EML5: variants seen among roughly 807,000 people sequenced by gnomAD.
The protein encoded by EML5 is EMAP like 5.
EML5 carries 120 observed loss-of-function variants against 250.0 expected under a neutral mutation model. The observed-to-expected ratio is 0.48, with a 90% confidence interval of 0.41 to 0.56. The LOEUF is 0.56. EML5 is among the 20% of genes least tolerant of loss of function. EML5 has a pLI of 0.00. For synonymous variants in EML5, 771 were observed against 806.5 expected, an observed-to-expected ratio of 0.96 and a Z score of 0.75; for missense variants, 2,006 against 2,437.6, an observed-to-expected ratio of 0.82 and a Z score of 3.73.
chr14:88,681,856 G>A, intron 21 of EML5, 34 bp downstream of exon 21: 4 of 1,561,384 alleles, frequency 2.6e-6, no homozygotes, highest in Non-Finnish European at 3.5e-6. Flanking sequence ...AACTGTGAGA[G>A]CTTAATCTAC....
chr14:88,651,167 T>G (rs911689633), intron 27 of EML5, among the ~76,000 whole-genome samples: 1 of 149,092 alleles, frequency 6.7e-6, no homozygotes, highest in South Asian at 2.1e-4. Context: ...TTTTTTTTTT[T>G]TTTTTTTTTT....
intron 1 of EML5, among the ~76,000 whole-genome samples, chr14:88,779,940 A>C (rs2094480983): frequency 6.6e-6 from 1 of 151,912 alleles, no homozygotes; most frequent in Non-Finnish European, 1.5e-5. Context: ...TGGATCTCTC[A>C]TGTTTCTGAA....
chr14:88,771,891 G>A lies in EML5; in HGVS notation c.198-17220C>T, dbSNP rs138680117. On this transcript the variant is annotated intron_variant, in intron 1 of 43. Coordinates refer to ENST00000554922, the MANE Select transcript of EML5 (RefSeq NM_183387.3). ...GCACCCCACCTCTGAATATTAAAGT[G>A]TATGAGGGCTTTGTCTTGGCTGTTT... Among the ~76,000 whole-genome samples the A allele has an allele frequency of 3.9e-3, 601 of 152,256 alleles. 4 individuals carry two copies. Among genetic ancestry groups the A allele is most frequent in the Non-Finnish European group, 6.8e-3 (465 of 68,022 alleles).
chr14:88,668,246 G>A (rs1249432382), intron 21 of EML5, among the ~76,000 whole-genome samples: 1 of 152,112 alleles, frequency 6.6e-6, no homozygotes, highest in Non-Finnish European at 1.5e-5. Context: ...GACAGTGACC[G>A]ACTGAATCTA....
chr14:88,679,916 G>A (rs934201810), intron 21 of EML5, among the ~76,000 whole-genome samples: 3 of 152,032 alleles, frequency 2.0e-5, no homozygotes, highest in Admixed American at 6.6e-5. Flanking sequence ...GGCCTTTTAG[G>A]CCATTGGAAA....
chr14:88,696,511 C>T (rs75719188), intron 15 of EML5, among the ~76,000 whole-genome samples: 132 of 152,234 alleles, frequency 8.7e-4, no homozygotes, highest in African/African-American at 2.9e-3. Flanking sequence ...GGCTATAAAA[C>T]GGTAAGTGAG....
chr14:88,753,826 C>T (rs182799382), intron 2 of EML5, among the ~76,000 whole-genome samples: 7 of 152,044 alleles, frequency 4.6e-5, no homozygotes, highest in Admixed American at 4.6e-4. Flanking sequence ...AATAGACAAC[C>T]TTTAAGGTAA....
intron 11 of EML5, 106 bp downstream of exon 11, chr14:88,706,153 C>T: frequency 1.9e-6 from 2 of 1,079,916 alleles, no homozygotes; most frequent in Non-Finnish European, 1.3e-6. Flanking sequence ...ACAAACTACA[C>T]TGTTAACTTA....
chr14:88,760,616 C>T (rs528878423), intron 1 of EML5, among the ~76,000 whole-genome samples: 26 of 152,194 alleles, frequency 1.7e-4, no homozygotes, highest in African/African-American at 5.5e-4. Flanking sequence ...TACCTTTGTT[C>T]TTTTTCCAAA....
chr14:88,619,919 C>T (rs1184669116), intron 39 of EML5: 1 of 152,302 alleles, frequency 6.6e-6, no homozygotes. Context: ...CCTGCCTCGG[C>T]CTCCCAAAGT....
At chr14:88,764,777 TTTC>T (rs575387399) in intron 1 of EML5, among the ~76,000 whole-genome samples, 82 of 152,330 alleles carry the variant, frequency 5.4e-4, no homozygotes, top group South Asian at 4.1e-4. Flanking sequence ...GTATTTTCAC[TTTC>T]TTCTTCTTTT....
Position 88,695,966 on chromosome 14 carries a change from T to G in EML5, c.2345-512A>C, listed in dbSNP as rs2093068920. ...ATAATGAATATATTAGACAAATCAC[T>G]GCGACAAATGATCAGTGAATATCCT... On this transcript the variant is annotated intron_variant, in intron 15 of 43. Transcript: ENST00000554922. 2.6e-5 allele frequency among the ~76,000 whole-genome samples: 4 copies of G among 152,150 alleles called. No individual in the cohort carries two copies. The South Asian group carries it at 8.3e-4, about 32-fold the overall frequency.
chr14:88,672,799 A>G (rs2092501019), intron 21 of EML5, among the ~76,000 whole-genome samples: 1 of 152,198 alleles, frequency 6.6e-6, no homozygotes, highest in African/African-American at 2.4e-5. Context: ...AGAAATGGAT[A>G]AATTCCTGGA....
intron 3 of EML5, 131 bp from the exon 4 acceptor site, chr14:88,744,222 C>T: frequency 2.1e-6 from 1 of 468,834 alleles, no homozygotes; most frequent in South Asian, 5.9e-5. Context: ...ATCAACATCC[C>T]ACACTTCAAA....
At chr14:88,699,281 T>C (rs1442288192) in intron 14 of EML5, among the ~76,000 whole-genome samples, 2 of 152,122 alleles carry the variant, frequency 1.3e-5, no homozygotes, top group Admixed American at 6.6e-5. Context: ...AAATTCTATC[T>C]ATCTCAGAAG....
At position 88,631,496 on chromosome 14, in the gene EML5, C is replaced by T. The variant is rs140176150; in HGVS notation, c.4357+2973G>A. 3.2e-3 allele frequency among the ~76,000 whole-genome samples: 491 copies of T among 152,248 alleles called. 2 individuals carry two copies. The highest frequency in any genetic ancestry group is 0.011 in the African/African-American group (450 of 41,564). On this transcript the variant is annotated intron_variant, in intron 33 of 43. Coordinates refer to ENST00000554922, the MANE Select transcript of EML5 (RefSeq NM_183387.3). ...CCCAAAGTGCTAAGATTGCCGGGCA[C>T]GGTGGCTCACGCCTGTAATCCCAGC...
At chr14:88,735,691 T>A (rs1325655336) in intron 7 of EML5, among the ~76,000 whole-genome samples, 1 of 152,188 alleles carries the variant, frequency 6.6e-6, no homozygotes, top group Admixed American at 6.5e-5. Context: ...TATTCATACA[T>A]GTACAAAATG....
In EML5 at chr14:88,661,766, G is replaced by C. The variant is rs1046993431; in HGVS notation, c.3563C>G (p.Pro1188Arg). Reference protein sequence around the residue: ...VLGLCCEGIWPVIGEVTDVTA... With the variant: ...VLGLCCEGIWRVIGEVTDVTA... Reference sequence around the variant, plus strand: ...TACATCTGTAACTTCTCCAATTACTGGCCAAATTCCTTCACAGCATAAACC... The same window carrying C: ...TACATCTGTAACTTCTCCAATTACTCGCCAAATTCCTTCACAGCATAAACC... The change falls in exon 25 of 44, where the codon CCA becomes CGA. Residue 1188 changes from proline (P) to arginine (R), a missense_variant. Around this residue, in one of 7 missense-constraint regions of EML5, gnomAD observed 1,375 missense variants for 1,590.3 expected, o/e 0.86. Coordinates refer to ENST00000554922, the MANE Select transcript of EML5 (RefSeq NM_183387.3). 6.2e-7 allele frequency: 1 copy of C among 1,613,568 alleles called. No individual in the cohort carries two copies. The highest frequency in any genetic ancestry group is 8.5e-7 in the Non-Finnish European group (1 of 1,179,728).
chr14:88,635,763 T>C (rs1380651002), intron 32 of EML5, among the ~76,000 whole-genome samples: 1 of 152,186 alleles, frequency 6.6e-6, no homozygotes, highest in South Asian at 2.1e-4. Context: ...AAAATTCATA[T>C]ACTGAAACCC....
Sources: allele counts gnomAD v4.1 joint callset (sites outside exome capture counted in the v4.1 genomes callset), GRCh38; gene constraint gnomAD v4.1.1; regional missense constraint gnomAD v4.1.1; transcripts MANE v1.5; gene names NCBI Gene and HGNC (gene_info 2026-07-23, HGNC 2026-07-21).